The following GRIA3 variants were observed in gnomAD, a reference collection of about 807,000 sequenced individuals.
The protein encoded by GRIA3 is glutamate ionotropic receptor AMPA type subunit 3, also known as glutamate receptor 3.
GRIA3 carries 3 observed loss-of-function variants against 63.0 expected under a neutral mutation model. The observed-to-expected ratio is 0.05, with a 90% CI of 0.02 to 0.12. The LOEUF (loss-of-function observed/expected upper bound fraction) is 0.12. Among genes scored for constraint, GRIA3 ranks in the 10% least tolerant of loss-of-function variants. The pLI is 1.00. For missense variants in GRIA3, 347 were observed against 700.9 expected (o/e 0.50, Z 5.70); for synonymous variants, 274 against 257.9 (o/e 1.06, Z -0.60).
chrX:123,433,847 T>C (rs1384332306), intron 12 of GRIA3, among the ~76,000 whole-genome samples: 2 of 111,778 alleles, frequency 1.8e-5, no homozygotes, highest in East Asian at 5.6e-4. Flanking sequence ...GAATTACTCA[T>C]GAAGAATGTT....
rs141726139 is a variant in GRIA3 at position 123,311,162 on chromosome X, A to C, written c.509-14864A>C. Among the ~76,000 whole-genome samples the C allele has an allele frequency of 9.8e-5, 11 of 112,181 alleles. No homozygotes were observed. In the East Asian group the frequency reaches 3.1e-3, roughly 31 times the overall value. On this transcript the variant is annotated intron_variant, in intron 3 of 15. Coordinates refer to ENST00000620443, the MANE Select transcript of GRIA3 (RefSeq NM_007325.5). ...AACAACCACATGCTCATGTATTTTA[A>C]TGAGGTCCCCAAGACTTTTTTAGAA... is the stretch of plus-strand genomic sequence containing the variant.
chrX:123,244,601 T>C (rs989742689), intron 2 of GRIA3, among the ~76,000 whole-genome samples: 2 of 112,867 alleles, frequency 1.8e-5, no homozygotes, highest in African/African-American at 3.2e-5. Context: ...GAGGAATTCA[T>C]AAGGTAAACC....
At chrX:123,255,156 G>A (rs1485537269) in intron 3 of GRIA3, among the ~76,000 whole-genome samples, 3 of 111,835 alleles carry the variant, frequency 2.7e-5, no homozygotes, top group Non-Finnish European at 3.8e-5. Context: ...TAAGAATTGT[G>A]GAAAGGTTGC....
At chrX:123,287,996 C>T (rs1216092525) in intron 3 of GRIA3, among the ~76,000 whole-genome samples, 6 of 111,870 alleles carry the variant, frequency 5.4e-5, no homozygotes, top group Non-Finnish European at 9.4e-5. Context: ...GGAGGCATCA[C>T]GCTACCTGAC....
chrX:123,217,421 G>C (rs769648754), intron 2 of GRIA3, among the ~76,000 whole-genome samples: 6 of 111,516 alleles, frequency 5.4e-5, no homozygotes, highest in African/African-American at 1.6e-4. Flanking sequence ...CTTTATCCTT[G>C]ACAAGTCCTT....
At chrX:123,333,674 G>A (rs999686111) in intron 4 of GRIA3, among the ~76,000 whole-genome samples, 4 of 111,375 alleles carry the variant, frequency 3.6e-5, no homozygotes, top group African/African-American at 1.3e-4. Flanking sequence ...AGGTGAAAGT[G>A]TTCTTAGTAC....
At chrX:123,366,715 G>A (rs1413209613) in intron 5 of GRIA3, among the ~76,000 whole-genome samples, 1 of 111,413 alleles carries the variant, frequency 9.0e-6, no homozygotes, top group Non-Finnish European at 1.9e-5. Flanking sequence ...CTGATATGGG[G>A]TTGCTAGCTG....
chrX:123,286,783 A>T (rs918464090), intron 3 of GRIA3, among the ~76,000 whole-genome samples: 1 of 111,705 alleles, frequency 9.0e-6, no homozygotes, highest in African/African-American at 3.3e-5. Context: ...TAGCCTACCA[A>T]CCAAAAAGAA....
rs758337456 is a variant in GRIA3, at chrX:123,455,392, T to C, written c.2077-9473T>C. On this transcript the variant is annotated intron_variant, in intron 12 of 15. Transcript: ENST00000620443. ...TGATATCATTTGTTGTGTGCCTTGC[T>C]CCAAATCAAAATGGAAACTATTTCC... 2.7e-5 allele frequency among the ~76,000 whole-genome samples: 3 copies of C among 112,182 alleles called. No homozygotes were observed. The South Asian group carries it at 1.1e-3, about 42-fold the overall frequency.
chrX:123,306,367 G>T (rs1029565520), intron 3 of GRIA3, among the ~76,000 whole-genome samples: 1 of 111,963 alleles, frequency 8.9e-6, no homozygotes, highest in Admixed American at 9.5e-5. Flanking sequence ...TAGAAAGAAG[G>T]GAGGGAGTAA....
chrX:123,371,090 T>C (rs5958231), intron 5 of GRIA3, among the ~76,000 whole-genome samples: 13,790 of 97,356 alleles, frequency 0.14, 999 homozygotes, highest in Non-Finnish European at 0.2. Context: ...CATGAGTTCA[T>C]TGCTTTGATT....
At chrX:123,291,340 C>A (rs2044654534) in intron 3 of GRIA3, among the ~76,000 whole-genome samples, 1 of 111,128 alleles carries the variant, frequency 9.0e-6, no homozygotes, top group African/African-American at 3.3e-5. Flanking sequence ...AGCCTTCAAG[C>A]AGGTAGTTGT....
chrX:123,300,820 G>A (rs1040695563), intron 3 of GRIA3, among the ~76,000 whole-genome samples: 28 of 109,884 alleles, frequency 2.5e-4, no homozygotes, highest in Admixed American at 2.0e-3. Context: ...TATAAATTTC[G>A]CTCTAACACT....
chrX:123,308,002 T>C (rs930543644), intron 3 of GRIA3, among the ~76,000 whole-genome samples: 1 of 111,460 alleles, frequency 9.0e-6, no homozygotes, highest in African/African-American at 3.3e-5. Context: ...TCCATCTACA[T>C]AAATTTTTCA....
At chrX:123,269,428 A>T (rs1217962936) in intron 3 of GRIA3, among the ~76,000 whole-genome samples, 2 of 112,180 alleles carry the variant, frequency 1.8e-5, no homozygotes, top group Non-Finnish European at 3.8e-5. Context: ...AGGAAAGCAG[A>T]CTTCTGAGAC....
intron 13 of GRIA3, among the ~76,000 whole-genome samples, chrX:123,470,048 G>T (rs2045853909): frequency 9.0e-6 from 1 of 111,700 alleles, no homozygotes; most frequent in South Asian, 3.7e-4. Context: ...CCTCTCTAGG[G>T]ATTAAAATAG....
At chrX:123,406,280 C>T (rs926995503) in intron 10 of GRIA3, among the ~76,000 whole-genome samples, 3 of 111,711 alleles carry the variant, frequency 2.7e-5, no homozygotes, top group African/African-American at 9.8e-5. Flanking sequence ...GTAATAATAA[C>T]TCTCTGTCTA....
chrX:123,395,027 C>T lies in GRIA3; in HGVS notation c.810C>T (p.Phe270=). The change falls in exon 6 of 16, where the codon TTC becomes TTT. Residue 270 remains phenylalanine (F), a synonymous_variant. Transcript: ENST00000620443. The part of the protein sequence containing the change: ...VMHGGANITG[F]QIVNNENPMV... ...ATGGGGGAGCCAACATTACAGGTTT[C>T]CAGATTGTCAACAATGAAAACCCTA... is the stretch of plus-strand genomic sequence containing the variant. 1 of 1,194,761 alleles carries T rather than the reference C, an allele frequency of 8.4e-7. No individual in the cohort carries two copies. Among genetic ancestry groups the T allele is most frequent in the Non-Finnish European group, 1.1e-6 (1 of 880,039 alleles).
chrX:123,435,665 C>A (rs1224969204), intron 12 of GRIA3, among the ~76,000 whole-genome samples: 1 of 111,974 alleles, frequency 8.9e-6, no homozygotes, highest in Non-Finnish European at 1.9e-5. Context: ...GATAAGAAGG[C>A]AAAGAAAGGC....
Sources: allele counts gnomAD v4.1 joint callset (sites outside exome capture counted in the v4.1 genomes callset), GRCh38; gene constraint gnomAD v4.1.1; transcripts MANE v1.5; gene names NCBI Gene and HGNC (gene_info 2026-07-23, HGNC 2026-07-21).